EEPD1: variants seen among roughly 807,000 people sequenced by gnomAD.
EEPD1 encodes endonuclease/exonuclease/phosphatase family domain-containing protein 1.
Under a neutral mutation model 46.3 loss-of-function variants are expected in EEPD1, and 17 were observed. The ratio of observed to expected loss-of-function variants is 0.37; its 90% confidence interval spans 0.25 to 0.55. EEPD1 has a LOEUF of 0.55. Among genes scored for constraint, EEPD1 ranks in the 20% least tolerant of loss-of-function variants. The pLI is 0.83. For missense variants in EEPD1, 673 were observed against 745.6 expected (o/e 0.90, Z 1.13); for synonymous variants, 313 against 315.6 (o/e 0.99, Z 0.09).
At chr7:36,237,810 A>G (rs1478977091) in intron 2 of EEPD1, among the ~76,000 whole-genome samples, 2 of 151,990 alleles carry the variant, frequency 1.3e-5, no homozygotes, top group Admixed American at 6.6e-5. Flanking sequence ...AATTAGCTAG[A>G]TGTAGCAGCA....
In EEPD1 at chr7:36,271,710, C is replaced by T. The variant is rs1329865894; in HGVS notation, c.931-9405C>T. ...CATGCCTATGTCCTGAATGGTATTG[C>T]CTAGGTTTTCATGGTTTTAGGTTTT... On this transcript the variant is annotated intron_variant, in intron 3 of 7. Transcript: ENST00000242108. Among the ~76,000 whole-genome samples, 4 of 110,114 alleles carry T rather than the reference C, an allele frequency of 3.6e-5. 1 individual carries two copies. Among genetic ancestry groups the T allele is most frequent in the Non-Finnish European group, 6.2e-5 (3 of 48,052 alleles). 72.2% of individuals were successfully genotyped at this position (110,114 alleles called of 152,430 possible).
At chr7:36,254,351 T>C (rs1786797097) in intron 3 of EEPD1, among the ~76,000 whole-genome samples, 1 of 152,162 alleles carries the variant, frequency 6.6e-6, no homozygotes, top group South Asian at 2.1e-4. Context: ...ATTCTTCAAC[T>C]CCCACTTACG....
At chr7:36,212,977 AC>A (rs1785962398) in intron 2 of EEPD1, among the ~76,000 whole-genome samples, 1 of 152,086 alleles carries the variant, frequency 6.6e-6, no homozygotes, top group African/African-American at 2.4e-5. Context: ...ACATGATGAA[AC>A]CCTGTCTCTA....
intron 2 of EEPD1, chr7:36,229,002 G>A (rs1786275608): frequency 6.6e-6 from 1 of 152,274 alleles, no homozygotes; most frequent in South Asian, 2.1e-4. Flanking sequence ...CTCTCCCTTA[G>A]AGAGAAAGGC....
At chr7:36,159,037 G>A (rs1007281963) in intron 2 of EEPD1, among the ~76,000 whole-genome samples, 1 of 152,210 alleles carries the variant, frequency 6.6e-6, no homozygotes, top group Admixed American at 6.5e-5. Flanking sequence ...CAAAGCACAA[G>A]GTGGATTAAT....
intron 2 of EEPD1, among the ~76,000 whole-genome samples, chr7:36,190,256 C>T (rs1583797541): frequency 6.6e-6 from 1 of 152,114 alleles, no homozygotes; most frequent in Non-Finnish European, 1.5e-5. Context: ...CCTGTATTCC[C>T]AGCTACTTGG....
Position 36,238,477 on chromosome 7 carries a change from A to G in EEPD1, c.879-508A>G, listed in dbSNP as rs192341603. On this transcript the variant is annotated intron_variant, in intron 2 of 7. Coordinates refer to ENST00000242108, the MANE Select transcript of EEPD1 (RefSeq NM_030636.3). ...ATTTGACTACTCTAAGATATCTCAT[A>G]TAAGTGGGATCGTATAGTATTTGTC... Among the ~76,000 whole-genome samples the G allele has an allele frequency of 5.7e-3, 869 of 152,318 alleles. 9 individuals carry two copies. The highest frequency in any genetic ancestry group is 0.02 in the African/African-American group (837 of 41,570).
At chr7:36,287,528 T>C in intron 5 of EEPD1, 111 bp from the exon 6 acceptor site, 5 of 1,466,882 alleles carry the variant, frequency 3.4e-6, no homozygotes, top group Non-Finnish European at 4.6e-6. Context: ...GCCTTGTTCT[T>C]GTTTACCATT....
intron 3 of EEPD1, among the ~76,000 whole-genome samples, chr7:36,270,459 C>T (rs1787085510): frequency 6.6e-6 from 1 of 152,052 alleles, no homozygotes; most frequent in South Asian, 2.1e-4. Flanking sequence ...CCCTCCCTAG[C>T]CCCCAACCCC....
intron 3 of EEPD1, among the ~76,000 whole-genome samples, chr7:36,264,463 G>A (rs552162414): frequency 6.6e-6 from 1 of 152,302 alleles, no homozygotes; most frequent in South Asian, 2.1e-4. Flanking sequence ...CGTGGCGTGT[G>A]TGTAAAGGGC....
Position 36,225,224 on chromosome 7 carries a change from C to T in EEPD1, c.879-13761C>T, listed in dbSNP as rs1056391464. 6.6e-6 allele frequency among the ~76,000 whole-genome samples: 1 copy of T among 152,138 alleles called. No homozygotes were observed. The highest frequency in any genetic ancestry group is 1.5e-5 in the Non-Finnish European group (1 of 68,020). ...TTGTTAGAACAGCCACAGAAAACAA[C>T]ACAAATGCCATGGAAAATCAAATCA... On this transcript the variant is annotated intron_variant, in intron 2 of 7. Transcript: ENST00000242108. The surrounding 1 kb of genome is among the most constrained non-coding windows in gnomAD (Gnocchi z 4.2).
At chr7:36,195,518 C>T (rs891708900) in intron 2 of EEPD1, among the ~76,000 whole-genome samples, 4 of 152,070 alleles carry the variant, frequency 2.6e-5, no homozygotes, top group African/African-American at 9.7e-5. Context: ...GAACTGATCT[C>T]GCTTATATGT....
At chr7:36,291,712 C>T (rs1014371654) in intron 6 of EEPD1, among the ~76,000 whole-genome samples, 3 of 152,162 alleles carry the variant, frequency 2.0e-5, no homozygotes, top group South Asian at 4.1e-4. Flanking sequence ...GTTGTTATTA[C>T]GGAAGCACAC....
At chr7:36,286,313 C>G (rs1300541318) in intron 5 of EEPD1, among the ~76,000 whole-genome samples, 1 of 152,192 alleles carries the variant, frequency 6.6e-6, no homozygotes, top group Admixed American at 6.5e-5. Context: ...TGCCCCCCAC[C>G]CAGCCTTAAG....
intron 2 of EEPD1, among the ~76,000 whole-genome samples, chr7:36,221,356 A>G (rs1786143539): frequency 6.6e-6 from 1 of 152,140 alleles, no homozygotes; most frequent in South Asian, 2.1e-4. Flanking sequence ...GTATCTTTTT[A>G]CTTTTAGCTT....
intron 2 of EEPD1, among the ~76,000 whole-genome samples, chr7:36,182,466 A>T (rs1785286183): frequency 6.6e-6 from 1 of 152,234 alleles, no homozygotes; most frequent in African/African-American, 2.4e-5. Flanking sequence ...TTTTTGAACC[A>T]TGTGAATATC....
intron 3 of EEPD1, among the ~76,000 whole-genome samples, chr7:36,255,457 G>T (rs984082572): frequency 6.6e-6 from 1 of 152,004 alleles, no homozygotes; most frequent in Non-Finnish European, 1.5e-5. Context: ...TAGATGTGTG[G>T]CTCTTTATTA....
In EEPD1 at chr7:36,219,806, A is replaced by AGTGT. The variant is rs70977121; in HGVS notation, c.879-19148_879-19145dup. 8.3e-3 allele frequency among the ~76,000 whole-genome samples: 626 copies of AGTGT among 75,400 alleles called. 2 individuals are homozygous for AGTGT. The highest frequency in any genetic ancestry group is 0.022 in the African/African-American group (492 of 21,928). The allele number at this position is 75,400 out of a possible 152,430, so 49.5% of individuals were successfully genotyped here. A position where few individuals can be genotyped will look rare whatever the true frequency, so the allele number is the denominator to read the frequency against. ...GAGAGAGAGAGAGAGAGAGAGAGAG[A>AGTGT]GTGTGTGTGTGTGTGTGTGTGTGTG... is the stretch of plus-strand genomic sequence containing the variant. On this transcript the variant is annotated intron_variant, in intron 2 of 7. Transcript: ENST00000242108.
chr7:36,216,945 T>G (rs1786038721), intron 2 of EEPD1, among the ~76,000 whole-genome samples: 1 of 152,252 alleles, frequency 6.6e-6, no homozygotes, highest in Non-Finnish European at 1.5e-5. Context: ...AGCTGATGTT[T>G]CCTTTACTTT....
Sources: gnomAD v4.1 joint callset for allele counts (sites outside exome capture counted in the v4.1 genomes callset) on GRCh38, gnomAD v4.1.1 for gene constraint, Gnocchi (gnomAD v3.1) non-coding constraint, MANE v1.5 for transcripts, NCBI Gene and HGNC (gene_info 2026-07-23, HGNC 2026-07-21) for gene names.